CNTNAP2: variants seen among roughly 807,000 people sequenced by gnomAD.
CNTNAP2 encodes contactin associated protein 2.
Under a neutral mutation model 155.2 loss-of-function variants are expected in CNTNAP2, and 98 were observed. The observed-to-expected ratio is 0.63, with a 90% CI of 0.54 to 0.75. The LOEUF is 0.75. Among genes scored for constraint, CNTNAP2 ranks in the 30% least tolerant of loss-of-function variants. The probability of loss-of-function intolerance (pLI) is 0.00; values close to 1 mark genes in which losing one functional copy is unlikely to be tolerated. For missense variants in CNTNAP2, 1,727 were observed against 1,688.1 expected, an observed-to-expected ratio of 1.02 and a Z score of -0.40; for synonymous variants, 651 against 631.2, an observed-to-expected ratio of 1.03 and a Z score of -0.47.
chr7:147,055,484 T>A (rs1443735099), intron 4 of CNTNAP2, among the ~76,000 whole-genome samples: 1 of 152,156 alleles, frequency 6.6e-6, no homozygotes, highest in Non-Finnish European at 1.5e-5. Flanking sequence ...CTCCTCTTTA[T>A]CCCATGGGTA....
At chr7:146,922,276 G>T (rs1028497750) in intron 3 of CNTNAP2, among the ~76,000 whole-genome samples, 3 of 146,894 alleles carry the variant, frequency 2.0e-5, no homozygotes, top group Non-Finnish European at 3.0e-5. Context: ...AAAAAAAAAC[G>T]CCACTTTCAG....
rs1439927809 is a variant in CNTNAP2 at position 148,103,865 on chromosome 7, A to G, written c.2384-14253A>G. Among the ~76,000 whole-genome samples the G allele has an allele frequency of 2.0e-5, 3 of 152,232 alleles. No homozygotes were observed. In the South Asian group the frequency reaches 6.2e-4, roughly 32 times the overall value. On this transcript the variant is annotated intron_variant, in intron 15 of 23. Coordinates refer to ENST00000361727, the MANE Select transcript of CNTNAP2 (RefSeq NM_014141.6). ...GATATATGAATTCTAAGGAAACTGC[A>G]GCACATTTTGTAAAAATCCAAACCA... is the stretch of plus-strand genomic sequence containing the variant.
At chr7:146,151,646 ATATATATAT>A (rs1562968886) in intron 1 of CNTNAP2, among the ~76,000 whole-genome samples, 17,428 of 70,256 alleles carry the variant, frequency 0.25, 2,127 homozygotes, top group Non-Finnish European at 0.33. Flanking sequence ...ATATATATAT[ATATATATAT>A]ATATATATAT....
At chr7:148,315,213 C>A (rs1444271805) in intron 21 of CNTNAP2, among the ~76,000 whole-genome samples, 1 of 152,158 alleles carries the variant, frequency 6.6e-6, no homozygotes, top group South Asian at 2.1e-4. Context: ...ATTTCACTTG[C>A]GTCCATGTGA....
chr7:147,512,606 A>G (rs1203139048), intron 11 of CNTNAP2, among the ~76,000 whole-genome samples: 10 of 152,220 alleles, frequency 6.6e-5, no homozygotes, highest in African/African-American at 2.4e-4. Flanking sequence ...GTTATTTATC[A>G]TTAGGAACCT....
intron 10 of CNTNAP2, among the ~76,000 whole-genome samples, chr7:147,472,855 TATTC>T (rs1007837437): frequency 1.9e-4 from 29 of 152,322 alleles, no homozygotes; most frequent in African/African-American, 6.7e-4. Flanking sequence ...TGTTTGATCA[TATTC>T]ACCCAGCAAT....
At chr7:146,983,318 A>G (rs1231939050) in intron 3 of CNTNAP2, among the ~76,000 whole-genome samples, 1 of 152,210 alleles carries the variant, frequency 6.6e-6, no homozygotes, top group East Asian at 1.9e-4. Flanking sequence ...CCTCTTACCT[A>G]GAGGAAGAGT....
chr7:147,992,049 T>G (rs1195600519), intron 15 of CNTNAP2, among the ~76,000 whole-genome samples: 1 of 145,204 alleles, frequency 6.9e-6, no homozygotes, highest in Admixed American at 6.8e-5. Flanking sequence ...AAAATTGTAC[T>G]AAACTATTGT....
chr7:146,408,265 A>G (rs981908665), intron 1 of CNTNAP2, among the ~76,000 whole-genome samples: 1 of 152,236 alleles, frequency 6.6e-6, no homozygotes, highest in African/African-American at 2.4e-5. Flanking sequence ...GACTATTAAC[A>G]GAATACTTTA....
In CNTNAP2 at chr7:146,255,871, A is replaced by C. The variant is rs1357385061; in HGVS notation, c.97+138898A>C. Among the ~76,000 whole-genome samples, 5 of 152,256 alleles carry C rather than the reference A, an allele frequency of 3.3e-5. No homozygotes were observed. In the East Asian group the frequency reaches 9.7e-4, roughly 29 times the overall value. Reference sequence around the variant, plus strand: ...CTGGAATTCATCATGAGACAGAGTGAATTATGTGGAGAAGGAAAGTGAAAA... The same window carrying C: ...CTGGAATTCATCATGAGACAGAGTGCATTATGTGGAGAAGGAAAGTGAAAA... On this transcript the variant is annotated intron_variant, in intron 1 of 23. Transcript: ENST00000361727.
At chr7:147,259,557 CAG>C (rs2116680697) in intron 8 of CNTNAP2, among the ~76,000 whole-genome samples, 1 of 152,234 alleles carries the variant, frequency 6.6e-6, no homozygotes, top group South Asian at 2.1e-4. Context: ...AATGTTTACA[CAG>C]GGTGAAATTC....
intron 17 of CNTNAP2, among the ~76,000 whole-genome samples, chr7:148,164,497 T>C (rs958852050): frequency 5.3e-5 from 8 of 151,726 alleles, no homozygotes; most frequent in Admixed American, 2.6e-4. Flanking sequence ...ACCATTCCAG[T>C]GGCGGGCTCA....
intron 2 of CNTNAP2, among the ~76,000 whole-genome samples, chr7:146,808,170 G>T (rs1241553280): frequency 2.0e-5 from 3 of 152,106 alleles, no homozygotes; most frequent in Non-Finnish European, 2.9e-5. Flanking sequence ...ATTCATTGAA[G>T]CATACAACTG....
rs112226432 is a variant in CNTNAP2 at position 147,638,756 on chromosome 7, G to A, written c.1898-350G>A. The A allele has an allele frequency of 3.3e-3, 1,371 of 418,256 alleles. 23 individuals are homozygous for A. Among genetic ancestry groups the A allele is most frequent in the African/African-American group, 0.026 (1,263 of 48,180 alleles). The allele number at this position is 418,256 out of a possible 1,614,324, so 25.9% of individuals were successfully genotyped here. On this transcript the variant is annotated intron_variant, in intron 12 of 23. Transcript: ENST00000361727. The stretch of plus-strand genomic sequence containing the variant: ...AATCCTGTTCCACCAGAGGAATGAT[G>A]GATGACAAAGTCAGCAAGAAGTTGG...
At chr7:147,234,494 T>C (rs1803757463) in intron 8 of CNTNAP2, among the ~76,000 whole-genome samples, 1 of 151,892 alleles carries the variant, frequency 6.6e-6, no homozygotes. Flanking sequence ...CCTGACACCA[T>C]GCCCAGCTAA....
rs545749329 is a variant in CNTNAP2, at chr7:147,929,048, C to T, written c.2255+25327C>T. 1.1e-3 allele frequency among the ~76,000 whole-genome samples: 157 copies of T among 137,000 alleles called. 2 individuals carry two copies. Among genetic ancestry groups the T allele is most frequent in the African/African-American group, 4.1e-3 (145 of 35,176 alleles). 89.9% of individuals were successfully genotyped at this position (137,000 alleles called of 152,430 possible). On this transcript the variant is annotated intron_variant, in intron 14 of 23. Coordinates refer to ENST00000361727, the MANE Select transcript of CNTNAP2 (RefSeq NM_014141.6). ...CAGAGGTTGCAGTGAGCCGAGACTGCGCCGTTGCACTCCAGCCGGGGCAAC... is the reference window on the plus strand; with the variant it reads ...CAGAGGTTGCAGTGAGCCGAGACTGTGCCGTTGCACTCCAGCCGGGGCAAC...
intron 1 of CNTNAP2, among the ~76,000 whole-genome samples, chr7:146,371,958 C>CA (rs111816450): frequency 0.12 from 12,708 of 107,552 alleles, 1,344 homozygotes; most frequent in African/African-American, 0.29. Context: ...AACTCCATCT[C>CA]AAAAAAAAAA....
At chr7:146,521,797 C>G (rs1006691223) in intron 1 of CNTNAP2, among the ~76,000 whole-genome samples, 1 of 151,934 alleles carries the variant, frequency 6.6e-6, no homozygotes, top group African/African-American at 2.4e-5. Flanking sequence ...AATCTAAGAT[C>G]TGAACCTTGA....
At chr7:147,369,726 T>C (rs1796310732) in intron 9 of CNTNAP2, among the ~76,000 whole-genome samples, 1 of 152,216 alleles carries the variant, frequency 6.6e-6, no homozygotes, top group Non-Finnish European at 1.5e-5. Flanking sequence ...TGCACTTGGC[T>C]TAAGGGTCAT....
Sources: gnomAD v4.1 joint callset for allele counts (sites outside exome capture counted in the v4.1 genomes callset) on GRCh38, gnomAD v4.1.1 for gene constraint, MANE v1.5 for transcripts, NCBI Gene and HGNC (gene_info 2026-07-23, HGNC 2026-07-21) for gene names.